The following INPP5J variants were observed in gnomAD, a reference collection of about 807,000 sequenced individuals.
INPP5J encodes the protein inositol polyphosphate-5-phosphatase J, also known as phosphatidylinositol 4,5-bisphosphate 5-phosphatase A.
In INPP5J, 75 loss-of-function variants were observed where a neutral mutation model predicts 86.6. That is an observed-to-expected ratio of 0.87 (90% CI 0.72 to 1.05). INPP5J has a LOEUF of 1.05. Ranked by LOEUF, INPP5J falls within the 50% of genes least tolerant of loss-of-function variation. The pLI is 0.00. For synonymous variants in INPP5J, 540 were observed against 550.0 expected (o/e 0.98, Z 0.25); for missense variants, 1,229 against 1,341.2 (o/e 0.92, Z 1.31).
rs958420050 is a variant in INPP5J at position 31,132,774 on chromosome 22, T to C, written c.2194-324T>C. Among the ~76,000 whole-genome samples the C allele has an allele frequency of 1.3e-4, 19 of 150,622 alleles. No individual in the cohort carries two copies. The South Asian group carries it at 2.3e-3, about 18-fold the overall frequency. On this transcript the variant is annotated intron_variant, in intron 9 of 12. Coordinates refer to ENST00000331075, the MANE Select transcript of INPP5J (RefSeq NM_001284285.2). The stretch of plus-strand genomic sequence containing the variant: ...AAAAAAAAAAAAGAGTCTCTGAGTT[T>C]ACAGATGAGGGCCCTGGCATTCAGA...
intron 9 of INPP5J, among the ~76,000 whole-genome samples, chr22:31,130,714 A>G (rs1386828521): frequency 1.3e-5 from 2 of 152,200 alleles, no homozygotes; most frequent in Non-Finnish European, 2.9e-5. Flanking sequence ...GAGAGTGTGT[A>G]GTGATGGGGA....
At position 31,128,290 on chromosome 22, in the gene INPP5J, A is replaced by G; in HGVS notation, c.1976A>G (p.Lys659Arg). Residue 659 changes from lysine to arginine, a missense_variant, in exon 8 of 13, where the codon AAG becomes AGG. Transcript: ENST00000331075. ...EGPLNFAPTF[K>R]FDVGTNKYDT... The stretch of plus-strand genomic sequence containing the variant: ...CCCCTCAACTTCGCTCCCACCTTCA[A>G]GTTTGATGTGGGTACCAACAAATAC... 2 of 1,598,786 alleles carry G rather than the reference A, an allele frequency of 1.3e-6. No individual in the cohort carries two copies. The highest frequency in any genetic ancestry group is 1.3e-5 in the African/African-American group (1 of 74,710).
In INPP5J at chr22:31,127,431, T is replaced by C. The variant is rs1257316097; in HGVS notation, c.1686T>C (p.Pro562=). 3 of 1,613,712 alleles carry C rather than the reference T, an allele frequency of 1.9e-6. No individual in the cohort carries two copies. The South Asian group carries it at 3.3e-5, about 18-fold the overall frequency. The part of the protein sequence containing the change: ...HMLCFLNCHL[P]AHMDKAEQRK... ...TCTGCTTCCTGAACTGCCACTTGCC[T>C]GCGCATATGGACAAGGCGGAGCAGC... The change falls in exon 6 of 13, where the codon CCT becomes CCC. Residue 562 remains proline, a synonymous_variant. Coordinates refer to ENST00000331075, the MANE Select transcript of INPP5J (RefSeq NM_001284285.2).
Position 31,125,151 on chromosome 22 carries a change from C to T in INPP5J, c.412C>T (p.Leu138=), listed in dbSNP as rs1444090951. Residue 138 remains leucine (L), a synonymous_variant, in exon 2 of 13, where the codon CTG becomes TTG. Coordinates refer to ENST00000331075, the MANE Select transcript of INPP5J (RefSeq NM_001284285.2). ...TTGSVLAPTS[L]GLVMPASAGP... Reference sequence around the variant, plus strand: ...AGGCTCAGTTCTGGCTCCGACGTCCCTGGGGCTGGTGATGCCTGCCTCAGC... The same window carrying T: ...AGGCTCAGTTCTGGCTCCGACGTCCTTGGGGCTGGTGATGCCTGCCTCAGC... 1.3e-5 allele frequency: 20 copies of T among 1,550,264 alleles called. No homozygotes were observed. The highest frequency in any genetic ancestry group is 1.7e-5 in the Non-Finnish European group (20 of 1,146,968).
In INPP5J at chr22:31,126,386, G is replaced by T; in HGVS notation, c.1282G>T (p.Val428Phe). The T allele has an allele frequency of 6.2e-7, 1 of 1,613,362 alleles. No homozygotes were observed. The highest frequency in any genetic ancestry group is 8.5e-7 in the Non-Finnish European group (1 of 1,179,570). The change falls in exon 3 of 13, where the codon GTC becomes TTC. Residue 428 changes from valine to phenylalanine, a missense_variant. Val to Phe is a conservative substitution (Grantham distance 50, BLOSUM62 -1). Transcript: ENST00000331075. ...KSDPGFRITV[V>F]TWNVGTAMPP... ...TGCCCCTGCCCTCAGGATCACTGTGGTCACATGGAACGTGGGCACTGCCAT... is the reference window on the plus strand; with the variant it reads ...TGCCCCTGCCCTCAGGATCACTGTGTTCACATGGAACGTGGGCACTGCCAT...
chr22:31,132,073 T>C (rs1273499308), intron 9 of INPP5J, among the ~76,000 whole-genome samples: 1 of 152,226 alleles, frequency 6.6e-6, no homozygotes, highest in Non-Finnish European at 1.5e-5. Context: ...GGGGAAAGGA[T>C]ACTCGTGGTT....
Position 31,134,087 on chromosome 22 carries a change from C to T in INPP5J, c.2689C>T (p.Leu897Phe), listed in dbSNP as rs76817205. 6,519 of 1,561,264 alleles carry T rather than the reference C, an allele frequency of 4.2e-3. 227 individuals are homozygous for T. The African/African-American group carries it at 0.075, about 18-fold the overall frequency. Residue 897 changes from leucine to phenylalanine, a missense_variant, in exon 13 of 13, where the codon CTT becomes TTT. Physicochemically the swap from Leu to Phe is conservative, Grantham distance 22. Transcript: ENST00000331075. Reference protein sequence around the residue: ...RSPGLARFPGLALRPSSRERR... With the variant: ...RSPGLARFPGFALRPSSRERR... The stretch of plus-strand genomic sequence containing the variant: ...CCCGGGACTGGCCAGGTTCCCTGGG[C>T]TTGCCCTACGGCCCTCATCCCGTGA...
At chr22:31,129,852 G>A (rs144938322) in intron 9 of INPP5J, among the ~76,000 whole-genome samples, 142 of 151,958 alleles carry the variant, frequency 9.3e-4, no homozygotes, top group Middle Eastern at 6.8e-3. Flanking sequence ...CTTAGAGCCC[G>A]TGCCTTTTCT....
In INPP5J at chr22:31,134,096, C is replaced by T. The variant is rs1257966503; in HGVS notation, c.2698C>T (p.Arg900Trp). The change falls in exon 13 of 13, where the codon CGG becomes TGG. Residue 900 changes from arginine (R) to tryptophan (W), a missense_variant. Arg to Trp is a moderately radical substitution (Grantham distance 101). Coordinates refer to ENST00000331075, the MANE Select transcript of INPP5J (RefSeq NM_001284285.2). Reference sequence around the variant, plus strand: ...GGCCAGGTTCCCTGGGCTTGCCCTACGGCCCTCATCCCGTGAACGCCGTGG... The same window carrying T: ...GGCCAGGTTCCCTGGGCTTGCCCTATGGCCCTCATCCCGTGAACGCCGTGG... Reference protein sequence around the residue: ...GLARFPGLALRPSSRERRGAS... With the variant: ...GLARFPGLALWPSSRERRGAS... The T allele has an allele frequency of 1.3e-5, 20 of 1,556,898 alleles. No homozygotes were observed. The highest frequency in any genetic ancestry group is 3.9e-5 in the Admixed American group (2 of 51,594).
intron 9 of INPP5J, 41 bp from the exon 10 acceptor site, chr22:31,133,057 C>A (rs9917541): frequency 0.25 from 380,253 of 1,550,626 alleles, 47,816 homozygotes; most frequent in Non-Finnish European, 0.26. Context: ...ACTAGAGGGT[C>A]TCCCCTGATG....
At chr22:31,122,956 C>A, upstream of INPP5J, 1 of 1,162,934 alleles carries the variant, frequency 8.6e-7, no homozygotes, top group Non-Finnish European at 1.2e-6. Flanking sequence ...CACTGGTTCC[C>A]GGGAGCGGTA....
Position 31,133,669 on chromosome 22 carries a change from T to C in INPP5J, c.2469T>C (p.Tyr823=). 4.3e-6 allele frequency: 7 copies of C among 1,613,336 alleles called. No individual in the cohort carries two copies. The highest frequency in any genetic ancestry group is 5.9e-6 in the Non-Finnish European group (7 of 1,179,674). Reference sequence around the variant, plus strand: ...ATGGAGACTTCATCCTGGGCTACTATAGTCACAACCACAGCATCCTCATCG... The same window carrying C: ...ATGGAGACTTCATCCTGGGCTACTACAGTCACAACCACAGCATCCTCATCG... The part of the protein sequence containing the change: ...KGHGDFILGY[Y]SHNHSILIGI... Residue 823 remains tyrosine (Y), a synonymous_variant, in exon 12 of 13, where the codon TAT becomes TAC. Transcript: ENST00000331075.
Position 31,126,954 on chromosome 22 carries a change from CTGCTGTT to C in INPP5J, c.1529_1535del (p.Leu510ProfsTer32). 7 of 1,610,726 alleles carry C rather than the reference CTGCTGTT, an allele frequency of 4.3e-6. No homozygotes were observed. Among genetic ancestry groups the C allele is most frequent in the Non-Finnish European group, 5.9e-6 (7 of 1,178,480 alleles). On this transcript the variant is annotated frameshift_variant, in exon 5 of 13. Transcript: ENST00000331075. LOFTEE classifies it high-confidence loss of function. ...GGTGAGGATGCAGGGTGTCATCCTG[CTGCTGTT>C]CGCCAAGTACTACCACCTGCCCTTC...
Position 31,127,421 on chromosome 22 carries a change from G to GC in INPP5J, c.1678dup (p.His560ProfsTer37), listed in dbSNP as rs754213250. The GC allele has an allele frequency of 6.2e-7, 1 of 1,613,844 alleles. No individual in the cohort carries two copies. Among genetic ancestry groups the GC allele is most frequent in the Non-Finnish European group, 8.5e-7 (1 of 1,179,844 alleles). ...GGGCACATGCTCTGCTTCCTGAACT[G>GC]CCACTTGCCTGCGCATATGGACAAG... On this transcript the variant is annotated frameshift_variant, in exon 6 of 13. Transcript: ENST00000331075. LOFTEE classifies it high-confidence loss of function.
At position 31,134,007 on chromosome 22, in the gene INPP5J, C is replaced by T. The variant is rs202068567; in HGVS notation, c.2609C>T (p.Ala870Val). 3.7e-4 allele frequency: 597 copies of T among 1,611,274 alleles called. No homozygotes were observed. The highest frequency in any genetic ancestry group is 8.1e-4 in the South Asian group (73 of 90,534). Residue 870 changes from alanine (A) to valine (V), a missense_variant, in exon 13 of 13, where the codon GCA becomes GTA. Physicochemically the swap from Ala to Val is moderately conservative, Grantham distance 64. Coordinates refer to ENST00000331075, the MANE Select transcript of INPP5J (RefSeq NM_001284285.2). Reference protein sequence around the residue: ...GEDDSTLELLAPKSRSPSPGK... With the variant: ...GEDDSTLELLVPKSRSPSPGK... The stretch of plus-strand genomic sequence containing the variant: ...GATGACAGCACACTGGAGCTCCTTG[C>T]ACCCAAGTCCCGCAGCCCCAGTCCT...
intron 9 of INPP5J, among the ~76,000 whole-genome samples, chr22:31,132,669 G>A (rs749931715): frequency 2.5e-4 from 38 of 151,966 alleles, no homozygotes; most frequent in Non-Finnish European, 5.4e-4. Context: ...AACCCGGGAG[G>A]TGGAGGTTGC....
intron 6 of INPP5J, 80 bp downstream of exon 6, chr22:31,127,612 T>C: frequency 7.1e-7 from 1 of 1,408,290 alleles, no homozygotes; most frequent in Admixed American, 2.3e-5. Flanking sequence ...GTGGGGCTTA[T>C]GGAGAGAGGC....
At position 31,133,954 on chromosome 22, in the gene INPP5J, C is replaced by G; in HGVS notation, c.2556C>G (p.Asp852Glu). ...CGGAGTTGGCCAGCAGCAGCACAGA[C>G]AGCTCAGGCACCAGCTCAGAGGGAG... ...PSSELASSST[D>E]SSGTSSEGED... is the part of the protein sequence containing the mutation. Residue 852 changes from aspartate to glutamate, a missense_variant, in exon 13 of 13, where the codon GAC (aspartate) becomes GAG (glutamate). By Grantham distance (45) the Asp-to-Glu change is conservative. Transcript: ENST00000331075. The G allele has an allele frequency of 6.2e-7, 1 of 1,613,330 alleles. No homozygotes were observed.
chr22:31,124,315 G>A (rs1921140680), intron 1 of INPP5J: 2 of 988,144 alleles, frequency 2.0e-6, no homozygotes, highest in African/African-American at 1.7e-5. Flanking sequence ...TTAGGGGGCG[G>A]TGGGGAACTG....
Sources: gnomAD v4.1 joint callset for allele counts (sites outside exome capture counted in the v4.1 genomes callset) on GRCh38, gnomAD v4.1.1 for gene constraint, MANE v1.5 for transcripts, NCBI Gene and HGNC (gene_info 2026-07-23, HGNC 2026-07-21) for gene names.